The following IFT74 variants were observed in gnomAD, a reference collection of about 807,000 sequenced individuals.
IFT74 encodes intraflagellar transport protein 74 homolog.
A neutral mutation model predicts 96.7 loss-of-function variants in IFT74; 92 were observed. That is an observed-to-expected ratio of 0.95 (90% confidence interval 0.80 to 1.13). The LOEUF (loss-of-function observed/expected upper bound fraction) is 1.13. Among genes scored for constraint, IFT74 ranks in the 50% most tolerant of loss-of-function variants. The pLI is 0.00. For synonymous variants in IFT74, 223 were observed against 213.2 expected, an observed-to-expected ratio of 1.05 and a Z score of -0.40; for missense variants, 811 against 698.2, an observed-to-expected ratio of 1.16 and a Z score of -1.82.
intron 13 of IFT74, among the ~76,000 whole-genome samples, chr9:27,034,244 G>A (rs1830255321): frequency 6.6e-6 from 1 of 152,148 alleles, no homozygotes; most frequent in Non-Finnish European, 1.5e-5. Flanking sequence ...ATAACTAGTT[G>A]CTACAATGTG....
At chr9:27,048,388 C>G (rs752191747) in intron 16 of IFT74, 114 bp downstream of exon 16, 147 of 672,614 alleles carry the variant, frequency 2.2e-4, no homozygotes, top group South Asian at 5.6e-4. Context: ...TGCCTATTGC[C>G]CCAGAATTAT....
intron 16 of IFT74, among the ~76,000 whole-genome samples, chr9:27,053,065 G>A (rs896910211): frequency 6.6e-6 from 1 of 151,102 alleles, no homozygotes. Context: ...GGGTTTCACC[G>A]TGTTAGCCAG....
intron 8 of IFT74, among the ~76,000 whole-genome samples, chr9:27,007,270 A>G (rs1828843858): frequency 1.3e-5 from 2 of 152,180 alleles, no homozygotes; most frequent in African/African-American, 2.4e-5. Flanking sequence ...TACTTTTCTT[A>G]TGCTGTAATT....
intron 10 of IFT74, among the ~76,000 whole-genome samples, chr9:27,013,194 C>T (rs1829191365): frequency 6.6e-6 from 1 of 152,138 alleles, no homozygotes; most frequent in South Asian, 2.1e-4. Context: ...AAGTGGGGTT[C>T]CTACGTGCTA....
At chr9:26,958,600 A>C (rs907480734) in intron 1 of IFT74, among the ~76,000 whole-genome samples, 1 of 152,174 alleles carries the variant, frequency 6.6e-6, no homozygotes, top group Admixed American at 6.5e-5. Flanking sequence ...TCAAGGACTA[A>C]ATTTCTTACT....
chr9:26,994,520 G>A (rs1284008800), intron 8 of IFT74: 5 of 145,404 alleles, frequency 3.4e-5, no homozygotes, highest in African/African-American at 1.3e-4. Context: ...CTGGGAGACA[G>A]TGCGAGACTT....
chr9:27,044,809 T>C lies in IFT74; in HGVS notation c.1108+14T>C, dbSNP rs951328252. 9 of 1,406,390 alleles carry C rather than the reference T, an allele frequency of 6.4e-6. No individual in the cohort carries two copies. The highest frequency in any genetic ancestry group is 8.8e-6 in the Non-Finnish European group (9 of 1,022,262). 87.1% of individuals were successfully genotyped at this position (1,406,390 alleles called of 1,614,324 possible). A position where few individuals can be genotyped will look rare whatever the true frequency, so the allele number is the denominator to read the frequency against. On this transcript the variant is annotated intron_variant, in intron 14 of 19. Coordinates refer to ENST00000380062, the MANE Select transcript of IFT74 (RefSeq NM_025103.4). ...AACATATGGACAGTAAGTGATATTC[T>C]TGTAGATATAAAAATATAATATTTT...
At chr9:26,969,363 T>C (rs1211921082) in intron 2 of IFT74, among the ~76,000 whole-genome samples, 1 of 152,042 alleles carries the variant, frequency 6.6e-6, no homozygotes, top group Non-Finnish European at 1.5e-5. Context: ...GTTTTTGATT[T>C]GAAGATGTAT....
At chr9:26,995,909 CATAATT>C in intron 8 of IFT74, 1 of 1,181,674 alleles carries the variant, frequency 8.5e-7, no homozygotes, top group African/African-American at 1.5e-5. Context: ...GCAAAATAAT[CATAATT>C]ATATATCCTA....
chr9:27,001,523 C>T (rs747946082), intron 8 of IFT74, among the ~76,000 whole-genome samples: 3 of 152,118 alleles, frequency 2.0e-5, no homozygotes, highest in Non-Finnish European at 4.4e-5. Context: ...GATTATATAT[C>T]ATTGTAGTTT....
At chr9:27,017,377 A>G (rs1459228693) in intron 11 of IFT74, among the ~76,000 whole-genome samples, 1 of 152,072 alleles carries the variant, frequency 6.6e-6, no homozygotes. Flanking sequence ...ATGTGCCAAC[A>G]CACCAATTTT....
intron 8 of IFT74, among the ~76,000 whole-genome samples, chr9:27,004,846 C>T (rs1828688271): frequency 1.3e-5 from 2 of 150,704 alleles, no homozygotes; most frequent in Non-Finnish European, 3.0e-5. Context: ...ATATGATCTA[C>T]GTTACTGAAA....
intron 8 of IFT74, chr9:26,996,252 C>G (rs1201179034): frequency 2.1e-6 from 2 of 951,114 alleles, no homozygotes; most frequent in Admixed American, 2.8e-5. Context: ...AAGATAACTA[C>G]CTCAGTTTAT....
chr9:27,045,293 C>T (rs1192581070), intron 14 of IFT74, among the ~76,000 whole-genome samples: 1 of 152,146 alleles, frequency 6.6e-6, no homozygotes, highest in Admixed American at 6.5e-5. Context: ...AGTTTCATCC[C>T]AAAACCATCA....
intron 13 of IFT74, among the ~76,000 whole-genome samples, chr9:27,029,311 T>C (rs1028011426): frequency 6.6e-6 from 1 of 152,110 alleles, no homozygotes; most frequent in Non-Finnish European, 1.5e-5. Context: ...AATGATTGCA[T>C]AAAATTTATT....
At chr9:27,062,495 A>G (rs2131719606) in intron 19 of IFT74, 123 bp from the exon 20 acceptor site, 1 of 590,032 alleles carries the variant, frequency 1.7e-6, no homozygotes, top group East Asian at 3.0e-5. Flanking sequence ...ACTGTATTTT[A>G]AAGTATTCTA....
chr9:27,046,873 C>G (rs1587410680), intron 14 of IFT74, among the ~76,000 whole-genome samples: 1 of 152,122 alleles, frequency 6.6e-6, no homozygotes, highest in African/African-American at 2.4e-5. Flanking sequence ...ACAGTGGCAG[C>G]TTAAAATTTC....
chr9:26,991,167 A>G (rs1827847885), intron 8 of IFT74, among the ~76,000 whole-genome samples: 1 of 152,232 alleles, frequency 6.6e-6, no homozygotes. Flanking sequence ...ATGTTAAAAT[A>G]TACTGATAAA....
At chr9:27,049,562 G>C (rs927241623) in intron 16 of IFT74, among the ~76,000 whole-genome samples, 1 of 152,186 alleles carries the variant, frequency 6.6e-6, no homozygotes, top group Admixed American at 6.5e-5. Flanking sequence ...AGGCCTAGTT[G>C]AGAAGAGAGC....
Sources: allele counts gnomAD v4.1 joint callset (sites outside exome capture counted in the v4.1 genomes callset), GRCh38; gene constraint gnomAD v4.1.1; transcripts MANE v1.5; gene names NCBI Gene and HGNC (gene_info 2026-07-23, HGNC 2026-07-21).